SLC20A2: variants seen among roughly 807,000 people sequenced by gnomAD.
SLC20A2 encodes sodium-dependent phosphate transporter 2.
SLC20A2 carries 30 observed loss-of-function variants against 61.0 expected under a neutral mutation model. The observed-to-expected ratio is 0.49, with a 90% confidence interval of 0.37 to 0.67. SLC20A2 has a LOEUF of 0.67. SLC20A2 is among the 30% of genes least tolerant of loss of function. SLC20A2 has a pLI of 0.00. For synonymous variants in SLC20A2, 351 were observed against 353.3 expected (o/e 0.99, Z 0.07); for missense variants, 626 against 866.4 (o/e 0.72, Z 3.48).
intron 2 of SLC20A2, among the ~76,000 whole-genome samples, chr8:42,470,752 T>C (rs1242496936): frequency 2.0e-5 from 3 of 151,916 alleles, no homozygotes; most frequent in African/African-American, 7.3e-5. Flanking sequence ...GGTGGGTGGA[T>C]TGCTTGAGGT....
At chr8:42,520,164 C>T (rs1251775184) in intron 1 of SLC20A2, among the ~76,000 whole-genome samples, 1 of 151,450 alleles carries the variant, frequency 6.6e-6, no homozygotes, top group African/African-American at 2.4e-5. Context: ...CAGGCACCCA[C>T]CATCACACCT....
Position 42,437,517 on chromosome 8 carries a change from C to T in SLC20A2, c.995G>A (p.Gly332Asp). The change falls in exon 8 of 11, where the codon GGC becomes GAC. Residue 332 changes from glycine (G) to aspartate (D), a missense_variant. By Grantham distance (94) the Gly-to-Asp change is moderately conservative. Around this residue, in one of 3 missense-constraint regions of SLC20A2, gnomAD observed 361 missense variants for 422.3 expected, o/e 0.85. Coordinates refer to ENST00000520262, the MANE Select transcript of SLC20A2 (RefSeq NM_001257180.2). This position sits in a 1 kb window ranked among gnomAD's most constrained non-coding sequence, Gnocchi z 6.4. Reference sequence around the variant, plus strand: ...GTCGCTCCTGGTGTGGCCGTCGAAGCCGAAGGTGCCGTTGGAGATGGGCGA... The same window carrying T: ...GTCGCTCCTGGTGTGGCCGTCGAAGTCGAAGGTGCCGTTGGAGATGGGCGA... ...VKSPISNGTF[G>D]FDGHTRSDGH... 2 of 1,614,010 alleles carry T rather than the reference C, an allele frequency of 1.2e-6. No individual in the cohort carries two copies. Among genetic ancestry groups the T allele is most frequent in the Non-Finnish European group, 1.7e-6 (2 of 1,179,990 alleles).
At chr8:42,492,689 TTTTC>T (rs1809610548) in intron 1 of SLC20A2, among the ~76,000 whole-genome samples, 1 of 151,586 alleles carries the variant, frequency 6.6e-6, no homozygotes, top group African/African-American at 2.4e-5. Context: ...AGGCACTTGG[TTTTC>T]TTTTTTTTTT....
upstream of SLC20A2, chr8:42,502,772 G>T (rs1247729369): frequency 1.3e-5 from 2 of 152,222 alleles, no homozygotes; most frequent in Non-Finnish European, 2.9e-5. Flanking sequence ...ACTCATCAAA[G>T]ATGGCTAGCT....
At chr8:42,484,086 A>C (rs771289323) in intron 1 of SLC20A2, among the ~76,000 whole-genome samples, 4 of 152,220 alleles carry the variant, frequency 2.6e-5, no homozygotes, top group Non-Finnish European at 5.9e-5. Flanking sequence ...ACAGCCCCAT[A>C]TTTCTTGTTA....
At chr8:42,428,946 C>A (rs533341054) in intron 9 of SLC20A2, 104 bp from the exon 10 acceptor site, 4 of 841,150 alleles carry the variant, frequency 4.8e-6, no homozygotes, top group Non-Finnish European at 3.5e-6. Flanking sequence ...GGGTGACTGC[C>A]GACTGCTGAC....
chr8:42,455,241 A>AATATATATATATAT (rs71548582), intron 5 of SLC20A2, among the ~76,000 whole-genome samples: 1 of 102,606 alleles, frequency 9.7e-6, no homozygotes, highest in Non-Finnish European at 1.7e-5. Context: ...AAAAAAAAAA[A>AATATATATATATAT]ATATATATAT....
intron 1 of SLC20A2, among the ~76,000 whole-genome samples, chr8:42,474,464 A>T (rs1807898558): frequency 6.6e-6 from 1 of 152,182 alleles, no homozygotes; most frequent in East Asian, 1.9e-4. Flanking sequence ...TTCAGATCCC[A>T]AGTGAGACAA....
At chr8:42,473,621 G>A (rs1807826593) in intron 1 of SLC20A2, among the ~76,000 whole-genome samples, 1 of 152,182 alleles carries the variant, frequency 6.6e-6, no homozygotes, top group African/African-American at 2.4e-5. Flanking sequence ...CTGGGAGGGA[G>A]AGGAGATGCC....
intron 10 of SLC20A2, among the ~76,000 whole-genome samples, 194 bp downstream of exon 10, chr8:42,428,564 T>G (rs1200169810): frequency 2.0e-5 from 3 of 152,204 alleles, no homozygotes; most frequent in African/African-American, 7.2e-5. Flanking sequence ...GAACGAGAGA[T>G]AGTGTCGTCC....
At chr8:42,473,729 G>A (rs188058863) in intron 1 of SLC20A2, among the ~76,000 whole-genome samples, 21 of 152,172 alleles carry the variant, frequency 1.4e-4, no homozygotes, top group African/African-American at 7.2e-5. Flanking sequence ...TCTTTGAATG[G>A]TATCAAGCAT....
At chr8:42,447,824 G>A (rs1232814482) in intron 5 of SLC20A2, among the ~76,000 whole-genome samples, 2 of 152,172 alleles carry the variant, frequency 1.3e-5, no homozygotes, top group African/African-American at 2.4e-5. Context: ...AAGGTCACTG[G>A]GGGAGGACAG....
intron 5 of SLC20A2, among the ~76,000 whole-genome samples, chr8:42,453,793 A>C (rs1805922113): frequency 6.6e-6 from 1 of 152,184 alleles, no homozygotes; most frequent in Non-Finnish European, 1.5e-5. Flanking sequence ...TTCAAGTAAG[A>C]ATTTTTCCAT....
At chr8:42,444,824 G>A (rs546826702) in intron 5 of SLC20A2, 62 bp from the exon 6 acceptor site, 1,098 of 1,207,312 alleles carry the variant, frequency 9.1e-4, no homozygotes, top group Middle Eastern at 2.2e-3. Flanking sequence ...AGGCCTCAGG[G>A]CGGTGGACTT....
At chr8:42,535,456 T>TA (rs1317001231) in intron 1 of SLC20A2, 1 of 152,230 alleles carries the variant, frequency 6.6e-6, no homozygotes, top group Non-Finnish European at 1.5e-5. Flanking sequence ...TAAGAAATTT[T>TA]AATGTTTCAC....
Position 42,456,731 on chromosome 8 carries a change from C to CA in SLC20A2, c.613+3164dup, listed in dbSNP as rs986357542. On this transcript the variant is annotated intron_variant, in intron 5 of 10. Transcript: ENST00000520262. ...CGGGAGACAGTACGAGACTCTGTCT[C>CA]AAAAAAAAAAAAAAAAAAAAAAAAC... Among the ~76,000 whole-genome samples the CA allele has an allele frequency of 7.2e-3, 420 of 58,560 alleles. 2 individuals carry two copies. The highest frequency in any genetic ancestry group is 0.027 in the African/African-American group (399 of 14,702). 38.4% of individuals were successfully genotyped at this position (58,560 alleles called of 152,430 possible).
intron 1 of SLC20A2, among the ~76,000 whole-genome samples, chr8:42,515,661 C>T (rs1315094552): frequency 2.0e-5 from 3 of 152,084 alleles, no homozygotes; most frequent in African/African-American, 2.4e-5. Flanking sequence ...ACCCCTTCCC[C>T]GCACTCTAAA....
chr8:42,541,412 G>A (rs1401885267), intron 1 of SLC20A2: 1 of 147,494 alleles, frequency 6.8e-6, no homozygotes, highest in East Asian at 2.0e-4. Context: ...CCGGGCGGGG[G>A]TCGCGGCGCG....
At chr8:42,434,383 G>A (rs1259946847) in intron 8 of SLC20A2, among the ~76,000 whole-genome samples, 1 of 150,198 alleles carries the variant, frequency 6.7e-6, no homozygotes, top group East Asian at 2.0e-4. Context: ...CACCACACCC[G>A]GCCTATTAAA....
Sources: allele counts gnomAD v4.1 joint callset (sites outside exome capture counted in the v4.1 genomes callset), GRCh38; gene constraint gnomAD v4.1.1; regional missense constraint gnomAD v4.1.1; non-coding constraint Gnocchi (gnomAD v3.1); transcripts MANE v1.5; gene names NCBI Gene and HGNC (gene_info 2026-07-23, HGNC 2026-07-21).